The following MGST1 variants were observed in gnomAD, a reference collection of about 807,000 sequenced individuals.
MGST1 encodes the protein microsomal glutathione S-transferase 1.
A neutral mutation model predicts 8.9 loss-of-function variants in MGST1; 5 were observed. That is an observed-to-expected ratio of 0.56 (90% CI 0.29 to 1.19). MGST1 has a LOEUF of 1.19. Ranked by LOEUF, MGST1 falls within the 50% of genes most tolerant of loss-of-function variation. The pLI is 0.08. For synonymous variants in MGST1, 54 were observed against 67.8 expected (o/e 0.80, Z 1.00); for missense variants, 182 against 187.4 (o/e 0.97, Z 0.17).
chr12:16,554,313 C>T (rs778032836), intron 4 of MGST1, among the ~76,000 whole-genome samples: 2 of 152,172 alleles, frequency 1.3e-5, no homozygotes, highest in Non-Finnish European at 2.9e-5. Context: ...ATCTTCTTTC[C>T]CTAATGTTAG....
intron 4 of MGST1, chr12:16,573,664 C>G (rs1471528459): frequency 6.6e-6 from 1 of 152,184 alleles, no homozygotes; most frequent in Non-Finnish European, 1.5e-5. Context: ...CTCTGAGGCT[C>G]CCTTCCTGCT....
At position 16,500,778 on chromosome 12, in the gene MGST1, G is replaced by A. The variant is rs1255275858; in HGVS notation, n.483-88750G>A. Among the ~76,000 whole-genome samples, 1 of 152,152 alleles carries A rather than the reference G, an allele frequency of 6.6e-6. No homozygotes were observed. Among genetic ancestry groups the A allele is most frequent in the East Asian group, 1.9e-4 (1 of 5,190 alleles). On this transcript the variant is annotated intron_variant and non_coding_transcript_variant, in intron 4 of 4. Transcript: ENST00000538857. This position sits in a 1 kb window ranked among gnomAD's most constrained non-coding sequence, Gnocchi z 4.3. ...GCAAAATCTATAGGGAGAAAAATCA[G>A]TGCATCTATTTATCGTTCTTTTTGT...
intron 4 of MGST1, among the ~76,000 whole-genome samples, chr12:16,524,701 T>C (rs1941671119): frequency 6.6e-6 from 1 of 152,058 alleles, no homozygotes; most frequent in Non-Finnish European, 1.5e-5. Context: ...ACTCCAATGT[T>C]TTGGTCTTCA....
chr12:16,363,114 C>G lies in MGST1; in HGVS notation c.222-681C>G, dbSNP rs1940073226. 2 of 152,162 alleles carry G rather than the reference C, an allele frequency of 1.3e-5. No homozygotes were observed. The highest frequency in any genetic ancestry group is 1.3e-4 in the Admixed American group (2 of 15,274). 9.4% of individuals were successfully genotyped at this position (152,162 alleles called of 1,614,324 possible). A position where few individuals can be genotyped will look rare whatever the true frequency, so the allele number is the denominator to read the frequency against. ...ATAAAGAAAACATTTAGGAAATTCT[C>G]TCTTTCTCTCTTTCACCTATCCTAC... is the stretch of plus-strand genomic sequence containing the variant. On this transcript the variant is annotated intron_variant, in intron 3 of 3. Coordinates refer to ENST00000396210, the MANE Select transcript of MGST1 (RefSeq NM_020300.5). The surrounding 1 kb of genome is among the most constrained non-coding windows in gnomAD (Gnocchi z 4.6).
chr12:16,374,681 G>A (rs1339073829), intron 3 of MGST1, among the ~76,000 whole-genome samples: 1 of 151,988 alleles, frequency 6.6e-6, no homozygotes, highest in African/African-American at 2.4e-5. Flanking sequence ...AATAGCAAGC[G>A]AATGCAAATA....
At chr12:16,432,091 T>G (rs2137094177) in intron 1 of MGST1, among the ~76,000 whole-genome samples, 1 of 152,290 alleles carries the variant, frequency 6.6e-6, no homozygotes, top group African/African-American at 2.4e-5. Flanking sequence ...CTTTTAATAG[T>G]GATCCTTCAC....
chr12:16,514,253 C>T (rs2137182360), intron 4 of MGST1: 1 of 278,720 alleles, frequency 3.6e-6, no homozygotes, highest in South Asian at 3.6e-5. Flanking sequence ...GCAGGCTTCA[C>T]CATGGTTTGC....
chr12:16,367,060 G>A (rs189482920), downstream of MGST1, among the ~76,000 whole-genome samples: 1 of 152,232 alleles, frequency 6.6e-6, no homozygotes, highest in Non-Finnish European at 1.5e-5. Context: ...TTCTTAATAG[G>A]TGGGACATCT....
At chr12:16,499,193 A>G (rs1941488948) in intron 4 of MGST1, among the ~76,000 whole-genome samples, 1 of 152,220 alleles carries the variant, frequency 6.6e-6, no homozygotes, top group South Asian at 2.1e-4. Context: ...TGTTTTCATT[A>G]TGCTGATGCA....
At chr12:16,577,478 C>G (rs1017248370) in intron 4 of MGST1, among the ~76,000 whole-genome samples, 11 of 152,122 alleles carry the variant, frequency 7.2e-5, no homozygotes, top group Admixed American at 6.6e-4. Context: ...ATATATTATT[C>G]TACCCCACTC....
downstream of MGST1, among the ~76,000 whole-genome samples, chr12:16,369,065 A>G (rs1300855473): frequency 6.6e-6 from 1 of 152,126 alleles, no homozygotes; most frequent in Non-Finnish European, 1.5e-5. This position sits in a 1 kb window ranked among gnomAD's most constrained non-coding sequence, Gnocchi z 4.8. Flanking sequence ...ATCTATACCT[A>G]TATCTTTATA....
rs1565497773 is a variant in MGST1 at position 16,578,862 on chromosome 12, C to CAAAAT, written n.483-10665_483-10664insAAATA. Among the ~76,000 whole-genome samples the CAAAAT allele has an allele frequency of 8.0e-5, 12 of 149,692 alleles. No homozygotes were observed. In the East Asian group the frequency reaches 2.3e-3, roughly 28 times the overall value. On this transcript the variant is annotated intron_variant and non_coding_transcript_variant, in intron 4 of 4. Coordinates refer to the MGST1 transcript ENST00000538857. Reference sequence around the variant, plus strand: ...AACAACAACAACAACAACAACAAAACATTAATTCACTAGAAGAATATATTC... The same window carrying CAAAAT: ...AACAACAACAACAACAACAACAAAACAAAATATTAATTCACTAGAAGAATATATTC...
downstream of MGST1, among the ~76,000 whole-genome samples, chr12:16,365,846 C>G (rs1940178435): frequency 6.6e-6 from 1 of 152,182 alleles, no homozygotes; most frequent in South Asian, 2.1e-4. Context: ...TTTTGAAGGT[C>G]ATATGCTTTT....
chr12:16,560,684 C>T lies in MGST1; in HGVS notation n.483-28844C>T. The stretch of plus-strand genomic sequence containing the variant: ...AAGTGGATTTTATCCTAGGTGTATG[C>T]ATAAATATTCTTCTGCAATATATTC... On this transcript the variant is annotated intron_variant and non_coding_transcript_variant, in intron 4 of 4. Coordinates refer to the MGST1 transcript ENST00000538857. This position sits in a 1 kb window ranked among gnomAD's most constrained non-coding sequence, Gnocchi z 5.0. 1 of 685,702 alleles carries T rather than the reference C, an allele frequency of 1.5e-6. No individual in the cohort carries two copies. The highest frequency in any genetic ancestry group is 2.5e-6 in the Non-Finnish European group (1 of 401,700). 42.5% of individuals were successfully genotyped at this position (685,702 alleles called of 1,614,324 possible).
At position 16,517,046 on chromosome 12, in the gene MGST1, C is replaced by A. The variant is rs76863889; in HGVS notation, n.483-72482C>A. ...TTTTCAGTGGCTACAGTGAGCTGAA[C>A]CCCCAAGAATATAGACATGAATGAA... is the stretch of plus-strand genomic sequence containing the variant. On this transcript the variant is annotated intron_variant and non_coding_transcript_variant, in intron 4 of 4. Coordinates refer to the MGST1 transcript ENST00000538857. This position sits in a 1 kb window ranked among gnomAD's most constrained non-coding sequence, Gnocchi z 4.2. 6.6e-6 allele frequency among the ~76,000 whole-genome samples: 1 copy of A among 151,934 alleles called. No individual in the cohort carries two copies. Among genetic ancestry groups the A allele is most frequent in the East Asian group, 1.9e-4 (1 of 5,180 alleles).
intron 4 of MGST1, among the ~76,000 whole-genome samples, chr12:16,472,441 T>G (rs1254635722): frequency 6.6e-6 from 1 of 151,962 alleles, no homozygotes; most frequent in African/African-American, 2.4e-5. Flanking sequence ...CTGTTTTTTT[T>G]TTTTTTTTTA....
In MGST1 at chr12:16,576,224, C is replaced by A. The variant is rs1369151706; in HGVS notation, n.483-13304C>A. ...CCAACCCATTGATCCTGCTTATAAC[C>A]TTCCATAGCTCCCCTACTGTATGCA... On this transcript the variant is annotated intron_variant and non_coding_transcript_variant, in intron 4 of 4. Coordinates refer to the MGST1 transcript ENST00000538857. This position sits in a 1 kb window ranked among gnomAD's most constrained non-coding sequence, Gnocchi z 4.1. Among the ~76,000 whole-genome samples the A allele has an allele frequency of 1.3e-5, 2 of 152,150 alleles. No homozygotes were observed. Among genetic ancestry groups the A allele is most frequent in the Admixed American group, 6.6e-5 (1 of 15,264 alleles).
chr12:16,556,972 C>T (rs563045633), intron 4 of MGST1, among the ~76,000 whole-genome samples: 16 of 152,180 alleles, frequency 1.1e-4, no homozygotes, highest in East Asian at 7.7e-4. Flanking sequence ...AATAGTATTT[C>T]GCAGCAATAA....
chr12:16,515,524 G>A (rs1334017871), intron 4 of MGST1, among the ~76,000 whole-genome samples: 1 of 151,940 alleles, frequency 6.6e-6, no homozygotes, highest in Non-Finnish European at 1.5e-5. Context: ...CAGCTACTCG[G>A]GAGGCTGAGG....
Sources: gnomAD v4.1 joint callset for allele counts (sites outside exome capture counted in the v4.1 genomes callset) on GRCh38, gnomAD v4.1.1 for gene constraint, Gnocchi (gnomAD v3.1) non-coding constraint, MANE v1.5 for transcripts, NCBI Gene and HGNC (gene_info 2026-07-23, HGNC 2026-07-21) for gene names.